The following VTI1A variants were observed in gnomAD, a reference collection of about 807,000 sequenced individuals.
VTI1A encodes vesicle transport through interaction with t-SNAREs 1A.
Under a neutral mutation model 34.9 loss-of-function variants are expected in VTI1A, and 22 were observed. The ratio of observed to expected loss-of-function variants is 0.63; its 90% confidence interval spans 0.45 to 0.90. The LOEUF is 0.90. VTI1A is among the 40% of genes least tolerant of loss of function. The pLI is 0.00. For missense variants in VTI1A, 268 were observed against 275.6 expected, an observed-to-expected ratio of 0.97 and a Z score of 0.20; for synonymous variants, 87 against 97.3, an observed-to-expected ratio of 0.89 and a Z score of 0.62.
chr10:112,594,797 T>C (rs1391889547), intron 5 of VTI1A, among the ~76,000 whole-genome samples: 1 of 151,640 alleles, frequency 6.6e-6, no homozygotes, highest in African/African-American at 2.4e-5. Context: ...CTTCACAGAA[T>C]TGGAAAAAAC....
chr10:112,727,424 G>A (rs1850073318), intron 7 of VTI1A, among the ~76,000 whole-genome samples: 2 of 116,280 alleles, frequency 1.7e-5, no homozygotes, highest in Admixed American at 1.5e-4. Context: ...ATACCCTGCA[G>A]GGAAAAAAAA....
chr10:112,682,861 G>A (rs894200634), intron 7 of VTI1A, among the ~76,000 whole-genome samples: 2 of 152,240 alleles, frequency 1.3e-5, no homozygotes, highest in Non-Finnish European at 2.9e-5. Context: ...ATTTGGATGG[G>A]CTTCAGTTGG....
intron 7 of VTI1A, among the ~76,000 whole-genome samples, chr10:112,684,661 G>C (rs1015707668): frequency 6.6e-6 from 1 of 152,006 alleles, no homozygotes; most frequent in Non-Finnish European, 1.5e-5. Context: ...GGTTGGTCTC[G>C]AACTGCTGAC....
chr10:112,501,909 G>A (rs929541529), intron 3 of VTI1A, among the ~76,000 whole-genome samples: 1 of 151,702 alleles, frequency 6.6e-6, no homozygotes, highest in Non-Finnish European at 1.5e-5. Context: ...TCAGGCCCTC[G>A]AGTTTCCACA....
At chr10:112,851,942 A>G in the VTI1A span, among the ~76,000 whole-genome samples, 1 of 152,166 alleles carries the variant, frequency 6.6e-6, no homozygotes, top group East Asian at 1.9e-4. Flanking sequence ...TTTATAACTT[A>G]AGAGAATGTT....
chr10:112,828,048 G>A, the VTI1A span, among the ~76,000 whole-genome samples: 2 of 152,136 alleles, frequency 1.3e-5, no homozygotes, highest in Non-Finnish European at 2.9e-5. Context: ...TTCCTCTACT[G>A]TAAAGCAGAG....
chr10:112,612,031 G>A (rs149466128), intron 5 of VTI1A, among the ~76,000 whole-genome samples: 4 of 152,116 alleles, frequency 2.6e-5, no homozygotes, highest in Non-Finnish European at 4.4e-5. Context: ...GTGAACCACC[G>A]TGCCCAGCCT....
At chr10:112,819,981 G>A (rs766140795), downstream of VTI1A, among the ~76,000 whole-genome samples, 18 of 152,204 alleles carry the variant, frequency 1.2e-4, no homozygotes, top group Non-Finnish European at 4.4e-5. Context: ...AAGAGATGGT[G>A]CACGTTCCTT....
chr10:112,758,222 A>G (rs1419038821), intron 7 of VTI1A, among the ~76,000 whole-genome samples: 1 of 152,114 alleles, frequency 6.6e-6, no homozygotes, highest in Admixed American at 6.5e-5. Context: ...ACAGGGTAGT[A>G]GAGTCTTTTA....
At chr10:112,620,480 G>A (rs185333588) in intron 5 of VTI1A, among the ~76,000 whole-genome samples, 253 of 152,148 alleles carry the variant, frequency 1.7e-3, no homozygotes, top group Non-Finnish European at 2.9e-3. Context: ...TTGTGGCGGG[G>A]GCCAGTTTTT....
At chr10:112,660,477 G>A (rs1390824407) in intron 5 of VTI1A, among the ~76,000 whole-genome samples, 2 of 152,182 alleles carry the variant, frequency 1.3e-5, no homozygotes, top group East Asian at 1.9e-4. Flanking sequence ...AGGAAACTGA[G>A]GCCCAGAGAA....
chr10:112,467,379 T>A (rs1365217451), intron 3 of VTI1A, among the ~76,000 whole-genome samples: 2 of 152,188 alleles, frequency 1.3e-5, no homozygotes, highest in Non-Finnish European at 2.9e-5. Flanking sequence ...GGATGTCCAA[T>A]TTTTTAGCTT....
chr10:112,589,437 CCA>C (rs879600320), intron 5 of VTI1A, among the ~76,000 whole-genome samples: 16,049 of 152,184 alleles, frequency 0.11, 944 homozygotes, highest in African/African-American at 0.13. Context: ...ACTGTAAGTT[CCA>C]CCCAGCCACA....
chr10:112,553,412 A>G (rs1225256747), intron 5 of VTI1A, among the ~76,000 whole-genome samples: 1 of 152,248 alleles, frequency 6.6e-6, no homozygotes, highest in African/African-American at 2.4e-5. Context: ...GATAAACTAT[A>G]TAAAACATCC....
chr10:112,754,940 AG>A (rs1851228118), intron 7 of VTI1A, among the ~76,000 whole-genome samples: 1 of 152,190 alleles, frequency 6.6e-6, no homozygotes, highest in Non-Finnish European at 1.5e-5. Flanking sequence ...TGGGGCTCAA[AG>A]GTTTCCAAGG....
the VTI1A span, among the ~76,000 whole-genome samples, chr10:112,847,521 G>A: frequency 2.0e-5 from 3 of 152,278 alleles, no homozygotes; most frequent in African/African-American, 7.2e-5. Context: ...TTTCCCATCA[G>A]GAGCAAGGAG....
intron 7 of VTI1A, among the ~76,000 whole-genome samples, chr10:112,773,346 C>A (rs150342371): frequency 6.6e-6 from 1 of 152,206 alleles, no homozygotes; most frequent in Admixed American, 6.5e-5. Context: ...TGCATGTTCA[C>A]ACTTATCACA....
chr10:112,721,655 C>G lies in VTI1A; in HGVS notation c.560+52657C>G, dbSNP rs549591485. ...TCCCATGTAGTCCTGTGTATTCCCT[C>G]CAGTGTACCATCCTCCGCCATAATG... On this transcript the variant is annotated intron_variant, in intron 7 of 7. Coordinates refer to ENST00000393077, the MANE Select transcript of VTI1A (RefSeq NM_145206.4). Among the ~76,000 whole-genome samples, 6 of 152,280 alleles carry G rather than the reference C, an allele frequency of 3.9e-5. No homozygotes were observed. The South Asian group carries it at 1.0e-3, about 26-fold the overall frequency.
intron 3 of VTI1A, among the ~76,000 whole-genome samples, chr10:112,496,464 G>A (rs540893704): frequency 6.6e-6 from 1 of 151,986 alleles, no homozygotes; most frequent in African/African-American, 2.4e-5. Flanking sequence ...CCAGCTTCTC[G>A]GGAGGCTGAG....
Sources: allele counts gnomAD v4.1 joint callset (sites outside exome capture counted in the v4.1 genomes callset), GRCh38; gene constraint gnomAD v4.1.1; transcripts MANE v1.5; gene names NCBI Gene and HGNC (gene_info 2026-07-23, HGNC 2026-07-21).